The following ANKRD46 variants were observed in gnomAD, a reference collection of about 807,000 sequenced individuals.
ANKRD46 encodes the protein ankyrin repeat domain-containing protein 46.
ANKRD46 carries 13 observed loss-of-function variants against 19.8 expected under a neutral mutation model. The observed-to-expected ratio is 0.66, with a 90% CI of 0.43 to 1.04. The LOEUF (loss-of-function observed/expected upper bound fraction) is 1.04, where lower values mean the gene tolerates loss of function less well. Among genes scored for constraint, ANKRD46 ranks in the 50% least tolerant of loss-of-function variants. The pLI, the probability that ANKRD46 is intolerant of heterozygous loss-of-function variation, is 0.00. For missense variants in ANKRD46, 185 were observed against 274.8 expected, an observed-to-expected ratio of 0.67 and a Z score of 2.31; for synonymous variants, 91 against 106.9, an observed-to-expected ratio of 0.85 and a Z score of 0.92.
intron 1 of ANKRD46, among the ~76,000 whole-genome samples, chr8:100,553,842 AAT>A (rs1351510256): frequency 3.3e-5 from 5 of 152,238 alleles, no homozygotes; most frequent in African/African-American, 1.2e-4. Flanking sequence ...GGCTAGTTTT[AAT>A]ATGTTTACTT....
At chr8:100,542,847 A>G (rs1812200553) in intron 1 of ANKRD46, among the ~76,000 whole-genome samples, 1 of 152,132 alleles carries the variant, frequency 6.6e-6, no homozygotes, top group South Asian at 2.1e-4. Context: ...TCTAAAGCAG[A>G]GCTCAATCAC....
chr8:100,553,371 T>C lies in ANKRD46; in HGVS notation c.-131+6340A>G, dbSNP rs548753430. ...GGGCTACTGGAAAAAAGATGACTGA[T>C]AGTAGGACTAAAACTGCCACCAAAG... On this transcript the variant is annotated intron_variant, in intron 1 of 4. Coordinates refer to ENST00000335659, the MANE Select transcript of ANKRD46 (RefSeq NM_001270377.2). Among the ~76,000 whole-genome samples, 24 of 152,296 alleles carry C rather than the reference T, an allele frequency of 1.6e-4. 1 individual carries two copies. The highest frequency in any genetic ancestry group is 5.8e-4 in the African/African-American group (24 of 41,582).
rs1432211839 is a variant in ANKRD46, at chr8:100,529,996, CAA to C, written c.-27-138_-27-137del. ...ATAAATGACCAAACAGAAACAACAA[CAA>C]AGTTATCAATTGTATTTTATTTTCC... On this transcript the variant is annotated intron_variant, in intron 2 of 4. Transcript: ENST00000335659. The surrounding 1 kb of genome is among the most constrained non-coding windows in gnomAD (Gnocchi z 5.8). 3.4e-6 allele frequency: 2 copies of C among 592,500 alleles called. No individual in the cohort carries two copies. Among genetic ancestry groups the C allele is most frequent in the Non-Finnish European group, 5.8e-6 (2 of 345,558 alleles). The allele number at this position is 592,500 out of a possible 1,614,324, so 36.7% of individuals were successfully genotyped here.
At chr8:100,517,396 T>C (rs564987454), downstream of ANKRD46, among the ~76,000 whole-genome samples, 8 of 152,356 alleles carry the variant, frequency 5.3e-5, no homozygotes, top group South Asian at 8.3e-4. Flanking sequence ...ATTTTCAACG[T>C]TGCCAAGTTT....
rs1244114979 is a variant in ANKRD46, at chr8:100,510,493, G to C, written c.*84C>G. The C allele has an allele frequency of 7.5e-7, 1 of 1,337,230 alleles. No homozygotes were observed. The highest frequency in any genetic ancestry group is 1.5e-5 in the African/African-American group (1 of 68,088). The allele number at this position is 1,337,230 out of a possible 1,614,324, so 82.8% of individuals were successfully genotyped here. A position where few individuals can be genotyped will look rare whatever the true frequency, so the allele number is the denominator to read the frequency against. On this transcript the variant is annotated 3_prime_UTR_variant, in exon 6 of 6. Transcript: ENST00000520552. The surrounding 1 kb of genome is among the most constrained non-coding windows in gnomAD (Gnocchi z 4.9). ...CATGACACAAGTCGTGACGGAAACA[G>C]CCCCACCCAACAGGGACGCTGACGT... is the stretch of plus-strand genomic sequence containing the variant.
downstream of ANKRD46, among the ~76,000 whole-genome samples, chr8:100,516,156 G>A (rs1811628021): frequency 6.6e-6 from 1 of 152,186 alleles, no homozygotes; most frequent in South Asian, 2.1e-4. Flanking sequence ...ACAAGTGTGA[G>A]TCACTGGCCC....
intron 2 of ANKRD46, among the ~76,000 whole-genome samples, 183 bp downstream of exon 2, chr8:100,533,026 G>A (rs1183248645): frequency 2.6e-5 from 4 of 152,162 alleles, no homozygotes; most frequent in Admixed American, 1.3e-4. Context: ...TATTTTTCAG[G>A]TGAGAACAAG....
intron 5 of ANKRD46, among the ~76,000 whole-genome samples, chr8:100,512,728 C>G (rs1201401467): frequency 6.6e-6 from 1 of 152,158 alleles, no homozygotes; most frequent in East Asian, 1.9e-4. Context: ...AGAGGAATAT[C>G]TTTTGAAAGA....
At chr8:100,551,027 C>T in intron 1 of ANKRD46, 1 of 514,048 alleles carries the variant, frequency 1.9e-6, no homozygotes. Context: ...ACACGGAAGG[C>T]CATGCTAGTG....
Position 100,524,573 on chromosome 8 carries a change from C to T in ANKRD46, c.471-1802G>A, listed in dbSNP as rs1811801968. ...AGATGATGTTTTCAGTGGGAATCTA[C>T]AACACCACAGTAATTTTGGAACACT... On this transcript the variant is annotated intron_variant, in intron 4 of 4. Coordinates refer to ENST00000335659, the MANE Select transcript of ANKRD46 (RefSeq NM_001270377.2). This position sits in a 1 kb window ranked among gnomAD's most constrained non-coding sequence, Gnocchi z 4.3. Among the ~76,000 whole-genome samples the T allele has an allele frequency of 6.6e-6, 1 of 151,750 alleles. No homozygotes were observed. Among genetic ancestry groups the T allele is most frequent in the African/African-American group, 2.4e-5 (1 of 41,274 alleles).
chr8:100,538,336 T>A (rs972485481), intron 1 of ANKRD46, among the ~76,000 whole-genome samples: 4 of 152,188 alleles, frequency 2.6e-5, no homozygotes, highest in Non-Finnish European at 5.9e-5. Flanking sequence ...AAAAATTGCA[T>A]CTATACTGAA....
intron 1 of ANKRD46, among the ~76,000 whole-genome samples, chr8:100,542,564 G>C (rs1812195330): frequency 6.6e-6 from 1 of 152,070 alleles, no homozygotes; most frequent in African/African-American, 2.4e-5. Context: ...TGGCTTTAAA[G>C]GGAATCTGTG....
rs199938933 is a variant in ANKRD46 at position 100,522,864 on chromosome 8, T to TACAC, written c.471-97_471-94dup. 5,137 of 592,868 alleles carry TACAC rather than the reference T, an allele frequency of 8.7e-3. 24 individuals are homozygous for TACAC. Among genetic ancestry groups the TACAC allele is most frequent in the African/African-American group, 0.021 (1,049 of 50,102 alleles). 36.7% of individuals were successfully genotyped at this position (592,868 alleles called of 1,614,324 possible). A position where few individuals can be genotyped will look rare whatever the true frequency, so the allele number is the denominator to read the frequency against. ...GGGCTACTATTTAGAAAAGACCAAA[T>TACAC]ACACACACACACACACACACACACA... On this transcript the variant is annotated intron_variant, in intron 4 of 4. Transcript: ENST00000335659.
Position 100,543,137 on chromosome 8 carries a change from G to A in ANKRD46, c.-130-9826C>T, listed in dbSNP as rs775838843. Among the ~76,000 whole-genome samples the A allele has an allele frequency of 3.0e-4, 46 of 152,124 alleles. No individual in the cohort carries two copies. The highest frequency in any genetic ancestry group is 6.0e-4 in the Non-Finnish European group (41 of 68,024). ...TGCCCATTGTGACTAACATGGGAAA[G>A]AATTGTCAAAGACTATGGATCTTAA... is the stretch of plus-strand genomic sequence containing the variant. On this transcript the variant is annotated intron_variant, in intron 1 of 4. Transcript: ENST00000335659. This position sits in a 1 kb window ranked among gnomAD's most constrained non-coding sequence, Gnocchi z 4.2.
In ANKRD46 at chr8:100,536,901, C is replaced by A. The variant is rs1812074685; in HGVS notation, c.-130-3590G>T. Among the ~76,000 whole-genome samples the A allele has an allele frequency of 6.6e-6, 1 of 152,194 alleles. No homozygotes were observed. The highest frequency in any genetic ancestry group is 1.5e-5 in the Non-Finnish European group (1 of 68,026). ...CCTCACTCTGTGCTCTGTGGCACTG[C>A]CTGAGAGACTTGAAGATGGAGTCAT... On this transcript the variant is annotated intron_variant, in intron 1 of 4. Coordinates refer to ENST00000335659, the MANE Select transcript of ANKRD46 (RefSeq NM_001270377.2). The surrounding 1 kb of genome is among the most constrained non-coding windows in gnomAD (Gnocchi z 4.9).
intron 3 of ANKRD46, among the ~76,000 whole-genome samples, chr8:100,528,811 T>C (rs952687428): frequency 1.3e-5 from 2 of 152,172 alleles, no homozygotes; most frequent in South Asian, 2.1e-4. Context: ...TTTAGGGGCA[T>C]TATGGCATCA....
Position 100,521,795 on chromosome 8 carries a change from A to G in ANKRD46, c.*760T>C. 1.0e-5 allele frequency: 10 copies of G among 985,346 alleles called. No homozygotes were observed. The highest frequency in any genetic ancestry group is 1.2e-5 in the Non-Finnish European group (10 of 829,846). The allele number at this position is 985,346 out of a possible 1,614,324, so 61.0% of individuals were successfully genotyped here. A position where few individuals can be genotyped will look rare whatever the true frequency, so the allele number is the denominator to read the frequency against. On this transcript the variant is annotated 3_prime_UTR_variant, in exon 5 of 5. Transcript: ENST00000335659. Reference sequence around the variant, plus strand: ...AGTAGAAAAAGGATTTTCTGACTGTAATTCTGATGAACTGTTATCTTTGAT... The same window carrying G: ...AGTAGAAAAAGGATTTTCTGACTGTGATTCTGATGAACTGTTATCTTTGAT...
rs1812243149 is a variant in ANKRD46, at chr8:100,544,956, C to A, written c.-130-11645G>T. Reference sequence around the variant, plus strand: ...ATAATAACAGTATTGTACACTGGCACATGAGTATGTACATAGGGCAGATCA... The same window carrying A: ...ATAATAACAGTATTGTACACTGGCAAATGAGTATGTACATAGGGCAGATCA... On this transcript the variant is annotated intron_variant, in intron 1 of 4. Coordinates refer to ENST00000335659, the MANE Select transcript of ANKRD46 (RefSeq NM_001270377.2). This position sits in a 1 kb window ranked among gnomAD's most constrained non-coding sequence, Gnocchi z 4.4. Among the ~76,000 whole-genome samples the A allele has an allele frequency of 6.6e-6, 1 of 152,082 alleles. No homozygotes were observed.
chr8:100,549,206 G>A (rs1159724165), intron 1 of ANKRD46, among the ~76,000 whole-genome samples: 1 of 151,502 alleles, frequency 6.6e-6, no homozygotes, highest in Non-Finnish European at 1.5e-5. Context: ...CTGGGCTCAA[G>A]TGATCCTCCT....
Sources: allele counts gnomAD v4.1 joint callset (sites outside exome capture counted in the v4.1 genomes callset), GRCh38; gene constraint gnomAD v4.1.1; non-coding constraint Gnocchi (gnomAD v3.1); transcripts MANE v1.5; gene names NCBI Gene and HGNC (gene_info 2026-07-23, HGNC 2026-07-21).